Variants in KDM5C observed in about 807,000 individuals in gnomAD.
KDM5C encodes lysine demethylase 5C.
Under a neutral mutation model 110.6 loss-of-function variants are expected in KDM5C, and 16 were observed. The observed-to-expected ratio is 0.14, with a 90% CI of 0.10 to 0.22. The LOEUF (loss-of-function observed/expected upper bound fraction) is 0.22, where lower values mean the gene tolerates loss of function less well. Among genes scored for constraint, KDM5C ranks in the 10% least tolerant of loss-of-function variants. The probability of loss-of-function intolerance (pLI) is 1.00; values close to 1 mark genes in which losing one functional copy is unlikely to be tolerated. For missense variants in KDM5C, 681 were observed against 1,300.9 expected, an observed-to-expected ratio of 0.52 and a Z score of 7.33; for synonymous variants, 511 against 520.4, an observed-to-expected ratio of 0.98 and a Z score of 0.24.
At chrX:53,185,381 A>G (rs781852089) in intron 25 of KDM5C, among the ~76,000 whole-genome samples, 1 of 112,446 alleles carries the variant, frequency 8.9e-6, no homozygotes, top group Non-Finnish European at 1.9e-5. Context: ...GAAAGTGCCT[A>G]AGCCTCTGAA....
chrX:53,180,373 T>G (rs1223048441), intron 25 of KDM5C, among the ~76,000 whole-genome samples: 1 of 111,241 alleles, frequency 9.0e-6, no homozygotes, highest in African/African-American at 3.3e-5. Context: ...TATACATTTG[T>G]CAAAGCCCAT....
chrX:53,204,178 T>A (rs2073241966), intron 12 of KDM5C, among the ~76,000 whole-genome samples: 3 of 109,882 alleles, frequency 2.7e-5, no homozygotes, highest in Admixed American at 9.8e-5. Context: ...AGCTAAGCCA[T>A]TTAGTTTGGG....
chrX:53,178,463 AC>A (rs1933938993), intron 25 of KDM5C, among the ~76,000 whole-genome samples: 1 of 112,233 alleles, frequency 8.9e-6, no homozygotes, highest in East Asian at 2.8e-4. Flanking sequence ...TTTATGAACA[AC>A]AATAAATACA....
chrX:53,191,687 C>G (rs781844768), downstream of KDM5C: 4 of 172,935 alleles, frequency 2.3e-5, no homozygotes, highest in South Asian at 1.3e-3. Context: ...CTAGGAAGAA[C>G]GAGATTCTAT....
intron 7 of KDM5C, 65 bp downstream of exon 7, chrX:53,215,730 T>C: frequency 9.0e-7 from 1 of 1,112,581 alleles, no homozygotes; most frequent in Non-Finnish European, 1.2e-6. Flanking sequence ...TCCAGTGCCA[T>C]GCAGGGGAAT....
intron 18 of KDM5C, among the ~76,000 whole-genome samples, chrX:53,197,289 T>C (rs188014404): frequency 8.9e-6 from 1 of 111,991 alleles, no homozygotes; most frequent in East Asian, 2.8e-4. Context: ...TGAGAGATTC[T>C]TAATTAACTA....
In KDM5C at chrX:53,193,237, G is replaced by T; in HGVS notation, c.4413C>A (p.Asp1471Glu). The stretch of plus-strand genomic sequence containing the variant: ...TTGGCTCTAGCTCCTCTCGGGCTGG[G>T]TCATCGCCCTCCCCACCCCGATCCA... ...RKVDRGGEGD[D>E]PAREELEPKR... Residue 1471 changes from aspartate to glutamate, a missense_variant, in exon 26 of 26, where the codon GAC (aspartate) becomes GAA (glutamate). Coordinates refer to ENST00000375401, the MANE Select transcript of KDM5C (RefSeq NM_004187.5). 1 of 1,209,272 alleles carries T rather than the reference G, an allele frequency of 8.3e-7. No individual in the cohort carries two copies.
intron 25 of KDM5C, among the ~76,000 whole-genome samples, chrX:53,181,879 G>C (rs1195755893): frequency 9.3e-6 from 1 of 108,065 alleles, no homozygotes; most frequent in Non-Finnish European, 1.9e-5. Context: ...AGCTCCGCCT[G>C]CTGGGTTCAC....
chrX:53,195,515 G>A, intron 20 of KDM5C, 105 bp from the exon 21 acceptor site: 1 of 806,270 alleles, frequency 1.2e-6, no homozygotes, highest in East Asian at 3.4e-5. Context: ...TCAGTCTTGA[G>A]GGATTAAAAA....
intron 5 of KDM5C, among the ~76,000 whole-genome samples, chrX:53,216,816 TCAAAA>T (rs782524881): frequency 2.7e-5 from 3 of 111,586 alleles, no homozygotes; most frequent in Admixed American, 9.5e-5. Flanking sequence ...ACCCTATGCC[TCAAAA>T]CAAAACAAAA....
rs782770109 is a variant in KDM5C at position 53,194,399 on chromosome X, C to A, written c.3778G>T (p.Ala1260Ser). The change falls in exon 23 of 26, where the codon GCA (alanine) becomes TCA (serine). Residue 1260 changes from alanine (A) to serine (S), a missense_variant. By Grantham distance (99) the Ala-to-Ser change is moderately conservative. Around this residue, in one of 14 missense-constraint regions of KDM5C, gnomAD observed 12 missense variants for 54.5 expected, o/e 0.22. Coordinates refer to ENST00000375401, the MANE Select transcript of KDM5C (RefSeq NM_004187.5). ...SRRPRLETIL[A>S]LLVALQRLPV... The stretch of plus-strand genomic sequence containing the variant: ...AGTCTCTGCAGGGCTACCAGCAGTG[C>A]CAGGATGGTCTCCAGGCGCGGGCGC... The A allele has an allele frequency of 1.0e-4, 122 of 1,211,092 alleles. No homozygotes were observed. The highest frequency in any genetic ancestry group is 1.3e-4 in the Non-Finnish European group (118 of 895,179).
chrX:53,213,395 G>A (rs1449157731), intron 8 of KDM5C, among the ~76,000 whole-genome samples: 3 of 111,752 alleles, frequency 2.7e-5, no homozygotes, highest in South Asian at 3.7e-4. Flanking sequence ...GTGCACACCC[G>A]GTCTCTACAA....
intron 5 of KDM5C, 126 bp downstream of exon 5, chrX:53,217,017 T>C (rs1556852252): frequency 1.2e-6 from 1 of 838,001 alleles, no homozygotes. Context: ...AGAGGCACAC[T>C]AATGCTCAGA....
intron 2 of KDM5C, 61 bp from the exon 3 acceptor site, chrX:53,218,459 T>A: frequency 8.5e-7 from 1 of 1,171,558 alleles, no homozygotes; most frequent in Middle Eastern, 3.0e-4. Flanking sequence ...TATCTTTGGG[T>A]CCAGTCTTAG....
At chrX:53,222,679 T>C (rs1177575264) in intron 1 of KDM5C, among the ~76,000 whole-genome samples, 3 of 111,320 alleles carry the variant, frequency 2.7e-5, no homozygotes, top group Admixed American at 9.5e-5. Context: ...CAAATGTATG[T>C]TGGTATTACT....
Position 53,224,956 on chromosome X carries a change from C to G in KDM5C, c.-67G>C, listed in dbSNP as rs2146979452. 1 of 1,116,813 alleles carries G rather than the reference C, an allele frequency of 9.0e-7. No homozygotes were observed. Among genetic ancestry groups the G allele is most frequent in the Non-Finnish European group, 1.2e-6 (1 of 841,126 alleles). The allele number at this position is 1,116,813 out of a possible 1,213,427, so 92.0% of individuals were successfully genotyped here. A position where few individuals can be genotyped will look rare whatever the true frequency, so the allele number is the denominator to read the frequency against. ...CGCCCTTAAGGACTCATGGCGCCGC[C>G]GCTGTTTGAAGCCGAGGCAATGCTC... On this transcript the variant is annotated 5_prime_UTR_variant, in exon 1 of 26. Transcript: ENST00000375401.
chrX:53,220,743 G>A, intron 2 of KDM5C, 96 bp downstream of exon 2: 1 of 711,181 alleles, frequency 1.4e-6, no homozygotes, highest in Non-Finnish European at 2.2e-6. Context: ...GGCCTAGCTA[G>A]GTAAAGTACC....
intron 1 of KDM5C, among the ~76,000 whole-genome samples, chrX:53,223,000 A>C (rs2073937418): frequency 1.8e-5 from 2 of 111,969 alleles, no homozygotes; most frequent in South Asian, 3.7e-4. Flanking sequence ...AGGAAAAAAC[A>C]AAACCAAACC....
At chrX:53,207,968 C>CAAAAAA (rs781945536) in intron 12 of KDM5C, among the ~76,000 whole-genome samples, 22 of 30,416 alleles carry the variant, frequency 7.2e-4, no homozygotes, top group South Asian at 1.9e-3. Flanking sequence ...GACTCTGTCT[C>CAAAAAA]AAAAAAAAAA....
Sources: allele counts gnomAD v4.1 joint callset (sites outside exome capture counted in the v4.1 genomes callset), GRCh38; gene constraint gnomAD v4.1.1; regional missense constraint gnomAD v4.1.1; transcripts MANE v1.5; gene names NCBI Gene and HGNC (gene_info 2026-07-23, HGNC 2026-07-21).